The following CTNNA3 variants were observed in gnomAD, a reference collection of about 807,000 sequenced individuals.
The protein encoded by CTNNA3 is catenin alpha-3.
Under a neutral mutation model 95.7 loss-of-function variants are expected in CTNNA3, and 76 were observed. The ratio of observed to expected loss-of-function variants is 0.79; its 90% confidence interval spans 0.66 to 0.96. The LOEUF is 0.96. CTNNA3 is among the 40% of genes least tolerant of loss of function. The pLI, the probability that CTNNA3 is intolerant of heterozygous loss-of-function variation, is 0.00. For missense variants in CTNNA3, 1,191 were observed against 1,089.8 expected (o/e 1.09, Z -1.31); for synonymous variants, 431 against 374.4 (o/e 1.15, Z -1.74).
At chr10:66,013,318 T>C (rs1407602587) in intron 15 of CTNNA3, among the ~76,000 whole-genome samples, 1 of 152,218 alleles carries the variant, frequency 6.6e-6, no homozygotes, top group Non-Finnish European at 1.5e-5. Flanking sequence ...TTGTATTGAG[T>C]GGACCAGAAC....
intron 13 of CTNNA3, among the ~76,000 whole-genome samples, chr10:66,241,928 C>A (rs1487667696): frequency 6.6e-6 from 1 of 152,052 alleles, no homozygotes; most frequent in Non-Finnish European, 1.5e-5. Flanking sequence ...ACTTTCAAAA[C>A]CTTGGAGCTG....
chr10:67,457,063 A>C (rs1847199965), intron 5 of CTNNA3, among the ~76,000 whole-genome samples: 2 of 152,196 alleles, frequency 1.3e-5, no homozygotes, highest in South Asian at 4.1e-4. Context: ...GGTGGAAAGC[A>C]GGATTTATAA....
At chr10:66,820,050 G>A (rs1423024700) in intron 7 of CTNNA3, among the ~76,000 whole-genome samples, 3 of 149,258 alleles carry the variant, frequency 2.0e-5, no homozygotes, top group Non-Finnish European at 4.4e-5. Context: ...AGCAGCATTA[G>A]TGATAATAGC....
intron 6 of CTNNA3, among the ~76,000 whole-genome samples, chr10:67,197,906 A>G (rs547955376): frequency 9.9e-5 from 15 of 152,262 alleles, no homozygotes; most frequent in African/African-American, 3.4e-4. Context: ...TGGAGTCTAC[A>G]TAAAGCTACA....
intron 7 of CTNNA3, among the ~76,000 whole-genome samples, chr10:66,876,531 T>C (rs191614243): frequency 1.4e-4 from 22 of 152,288 alleles, no homozygotes; most frequent in Middle Eastern, 3.4e-3. Flanking sequence ...TTGTCAAGAA[T>C]GTAATGTGGA....
At chr10:66,352,041 G>A (rs1360056736) in intron 12 of CTNNA3, among the ~76,000 whole-genome samples, 1 of 151,990 alleles carries the variant, frequency 6.6e-6, no homozygotes, top group African/African-American at 2.4e-5. Flanking sequence ...AGAATGAAAG[G>A]GAGAAGCACT....
intron 12 of CTNNA3, among the ~76,000 whole-genome samples, chr10:66,367,873 TAATAATAA>T (rs2092723152): frequency 5.2e-5 from 1 of 19,216 alleles, no homozygotes; most frequent in Non-Finnish European, 1.1e-4. Context: ...ATAATAATAA[TAATAATAA>T]TTATTATTAT....
rs536623454 is a variant in CTNNA3, at chr10:67,339,299, C to T, written c.580-119429G>A. 1.7e-4 allele frequency among the ~76,000 whole-genome samples: 26 copies of T among 152,226 alleles called. No individual in the cohort carries two copies. The South Asian group carries it at 5.4e-3, about 32-fold the overall frequency. ...CTAGCTTACCTATTAGTAATGCACA[C>T]ATAATCACATCAAGTTTGGGCAAAG... On this transcript the variant is annotated intron_variant, in intron 5 of 17. Transcript: ENST00000433211.
chr10:66,491,583 T>C (rs1357921733), intron 11 of CTNNA3, among the ~76,000 whole-genome samples: 2 of 152,152 alleles, frequency 1.3e-5, no homozygotes, highest in African/African-American at 2.4e-5. Context: ...AGATCTCCTA[T>C]ATGAAGTCCT....
At chr10:66,654,833 T>TA (rs1846023252) in intron 9 of CTNNA3, among the ~76,000 whole-genome samples, 1 of 152,116 alleles carries the variant, frequency 6.6e-6, no homozygotes, top group South Asian at 2.1e-4. Context: ...GGGACATTAG[T>TA]AAGTGAAATA....
chr10:66,332,222 T>C lies in CTNNA3; in HGVS notation c.1732+46930A>G, dbSNP rs1392772646. Among the ~76,000 whole-genome samples, 13 of 152,038 alleles carry C rather than the reference T, an allele frequency of 8.6e-5. No individual in the cohort carries two copies. In the East Asian group the frequency reaches 1.9e-3, roughly 23 times the overall value. On this transcript the variant is annotated intron_variant, in intron 12 of 17. Coordinates refer to ENST00000433211, the MANE Select transcript of CTNNA3 (RefSeq NM_013266.4). ...ACAATTTGACTTCCTCTTTTCCTAA[T>C]TGAATACCCTTTATTTCCTTCTCCT...
chr10:66,615,543 A>G (rs1844481208), intron 10 of CTNNA3, among the ~76,000 whole-genome samples: 1 of 152,000 alleles, frequency 6.6e-6, no homozygotes, highest in African/African-American at 2.4e-5. Context: ...AATATTTTTT[A>G]TTGATTGATA....
chr10:66,247,220 G>C (rs898969530), intron 13 of CTNNA3, among the ~76,000 whole-genome samples: 5 of 152,140 alleles, frequency 3.3e-5, no homozygotes, highest in African/African-American at 1.2e-4. Context: ...AGAAGAAGTA[G>C]AGAATGGAAG....
intron 5 of CTNNA3, among the ~76,000 whole-genome samples, chr10:67,471,140 T>G (rs1847807508): frequency 6.6e-6 from 1 of 152,176 alleles, no homozygotes; most frequent in Non-Finnish European, 1.5e-5. Flanking sequence ...ACCTTTAGTC[T>G]TAACAAGTAA....
chr10:65,999,421 G>C (rs2078726682), intron 15 of CTNNA3, among the ~76,000 whole-genome samples: 1 of 152,038 alleles, frequency 6.6e-6, no homozygotes, highest in African/African-American at 2.4e-5. Context: ...AAAAACCCTG[G>C]GCTGATGAAA....
chr10:66,544,835 T>C (rs1032061711), intron 10 of CTNNA3, among the ~76,000 whole-genome samples: 2 of 152,152 alleles, frequency 1.3e-5, no homozygotes, highest in African/African-American at 4.8e-5. Flanking sequence ...GAAAAGATAA[T>C]GCATATTGTG....
intron 10 of CTNNA3, among the ~76,000 whole-genome samples, chr10:66,571,988 A>C (rs993250561): frequency 6.6e-6 from 1 of 152,166 alleles, no homozygotes; most frequent in African/African-American, 2.4e-5. Context: ...TTTAGAGTCC[A>C]TGTTCTTAAC....
intron 12 of CTNNA3, among the ~76,000 whole-genome samples, chr10:66,287,931 T>C (rs1432298616): frequency 2.0e-5 from 3 of 151,954 alleles, no homozygotes; most frequent in Non-Finnish European, 4.4e-5. Flanking sequence ...CCAGAGAGTA[T>C]TGAGACAATA....
intron 1 of CTNNA3, among the ~76,000 whole-genome samples, chr10:67,664,125 G>T (rs188899516): frequency 6.6e-6 from 1 of 152,300 alleles, no homozygotes; most frequent in Admixed American, 6.5e-5. Context: ...TTTTAAAATT[G>T]TAGGACTAGT....
Sources: gnomAD v4.1 joint callset for allele counts (sites outside exome capture counted in the v4.1 genomes callset) on GRCh38, gnomAD v4.1.1 for gene constraint, MANE v1.5 for transcripts, NCBI Gene and HGNC (gene_info 2026-07-23, HGNC 2026-07-21) for gene names.